ZNF462: variants seen among roughly 807,000 people sequenced by gnomAD.
The protein encoded by ZNF462 is zinc finger PBX1-interacting protein.
ZNF462 carries 10 observed loss-of-function variants against 201.9 expected under a neutral mutation model. That is an observed-to-expected ratio of 0.05 (90% CI 0.03 to 0.08). ZNF462 has a LOEUF of 0.08. ZNF462 is among the 10% of genes least tolerant of loss of function. ZNF462 has a pLI of 1.00. For synonymous variants in ZNF462, 1,227 were observed against 1,193.3 expected (o/e 1.03, Z -0.58); for missense variants, 2,523 against 3,168.3 (o/e 0.80, Z 4.89).
intron 1 of ZNF462, among the ~76,000 whole-genome samples, chr9:106,901,270 G>A (rs1018296436): frequency 3.3e-5 from 5 of 152,112 alleles, no homozygotes; most frequent in Non-Finnish European, 5.9e-5. Flanking sequence ...TCTTCCACTG[G>A]TATACGTGCC....
rs1263077272 is a variant in ZNF462, at chr9:106,926,994, G to A, written c.3082G>A (p.Val1028Ile). The A allele has an allele frequency of 2.5e-6, 4 of 1,614,054 alleles. No individual in the cohort carries two copies. The highest frequency in any genetic ancestry group is 1.3e-5 in the African/African-American group (1 of 74,908). ...NQKDPLVNTV[V>I]VYDCDVCSFA... ...GAAGGACCCTTTGGTCAACACTGTT[G>A]TTGTTTATGATTGTGATGTTTGTTC... Residue 1028 changes from valine to isoleucine, a missense_variant, in exon 3 of 13, where the codon GTT becomes ATT. By Grantham distance (29) the Val-to-Ile change is conservative. Coordinates refer to ENST00000277225, the MANE Select transcript of ZNF462 (RefSeq NM_021224.6). The surrounding 1 kb of genome is among the most constrained non-coding windows in gnomAD (Gnocchi z 7.9).
chr9:106,998,864 C>A (rs1207226080), intron 10 of ZNF462, among the ~76,000 whole-genome samples: 2 of 152,104 alleles, frequency 1.3e-5, no homozygotes, highest in African/African-American at 4.8e-5. Flanking sequence ...TCATCTCAGC[C>A]TCCCAAAGTG....
At chr9:106,874,522 A>C (rs555782839) in intron 1 of ZNF462, among the ~76,000 whole-genome samples, 51 of 152,346 alleles carry the variant, frequency 3.3e-4, no homozygotes, top group Middle Eastern at 3.4e-3. Flanking sequence ...TGTTCTAAGG[A>C]GGTAAACGTA....
At position 106,947,900 on chromosome 9, in the gene ZNF462, G is replaced by A. The variant is rs542386544; in HGVS notation, c.6427+8793G>A. On this transcript the variant is annotated intron_variant, in intron 7 of 12. Transcript: ENST00000277225. The stretch of plus-strand genomic sequence containing the variant: ...ATCTTCTACAGGAAATGAAAGACAA[G>A]TGTTTATTACTTATTGATATTTGGA... Among the ~76,000 whole-genome samples, 16 of 152,308 alleles carry A rather than the reference G, an allele frequency of 1.1e-4. No homozygotes were observed. In the South Asian group the frequency reaches 3.3e-3, roughly 32 times the overall value.
intron 1 of ZNF462, among the ~76,000 whole-genome samples, chr9:106,864,082 C>G (rs1037799676): frequency 1.0e-4 from 14 of 138,388 alleles, no homozygotes; most frequent in African/African-American, 1.9e-4. Context: ...CTCTCTCTCT[C>G]TCTCTCTCTC....
chr9:106,898,990 T>C (rs997208956), intron 1 of ZNF462, among the ~76,000 whole-genome samples: 5 of 152,194 alleles, frequency 3.3e-5, no homozygotes, highest in Non-Finnish European at 7.4e-5. Flanking sequence ...GCCAAATGCT[T>C]TATGTTCCTT....
intron 1 of ZNF462, among the ~76,000 whole-genome samples, chr9:106,877,332 A>C (rs1827878386): frequency 6.9e-6 from 1 of 144,516 alleles, no homozygotes; most frequent in Admixed American, 6.9e-5. Context: ...TACATTTGGG[A>C]AATTTCCAGA....
chr9:106,880,420 T>C lies in ZNF462; in HGVS notation c.-31+17065T>C, dbSNP rs1828039385. ...CATAGTTGAGAAAACTTTGAAGTGGTGTTGGCTAAATGTAGGTACGAGGGC... is the reference window on the plus strand; with the variant it reads ...CATAGTTGAGAAAACTTTGAAGTGGCGTTGGCTAAATGTAGGTACGAGGGC... On this transcript the variant is annotated intron_variant, in intron 1 of 12. Coordinates refer to ENST00000277225, the MANE Select transcript of ZNF462 (RefSeq NM_021224.6). The surrounding 1 kb of genome is among the most constrained non-coding windows in gnomAD (Gnocchi z 4.1). Among the ~76,000 whole-genome samples the C allele has an allele frequency of 6.6e-6, 1 of 152,226 alleles. No homozygotes were observed. The highest frequency in any genetic ancestry group is 2.1e-4 in the South Asian group (1 of 4,822).
intron 1 of ZNF462, among the ~76,000 whole-genome samples, chr9:106,921,748 G>A (rs1276091105): frequency 6.6e-6 from 1 of 152,174 alleles, no homozygotes; most frequent in African/African-American, 2.4e-5. Flanking sequence ...TGGACTGTGC[G>A]AAAGGAGAAG....
chr9:106,895,198 A>G lies in ZNF462; in HGVS notation c.-30-28156A>G, dbSNP rs1331184997. Among the ~76,000 whole-genome samples, 1 of 152,168 alleles carries G rather than the reference A, an allele frequency of 6.6e-6. No individual in the cohort carries two copies. ...CAGTTAAAAGTATCATTTTCCATTT[A>G]TTACCAAAGAGTAGACTGTTCTTGA... On this transcript the variant is annotated intron_variant, in intron 1 of 12. Coordinates refer to ENST00000277225, the MANE Select transcript of ZNF462 (RefSeq NM_021224.6). This position sits in a 1 kb window ranked among gnomAD's most constrained non-coding sequence, Gnocchi z 4.4.
Position 106,984,231 on chromosome 9 carries a change from A to T in ZNF462, c.6878A>T (p.Lys2293Ile). 6.2e-7 allele frequency: 1 copy of T among 1,614,052 alleles called. No homozygotes were observed. Among genetic ancestry groups the T allele is most frequent in the Non-Finnish European group, 8.5e-7 (1 of 1,179,952 alleles). The change falls in exon 10 of 13, where the codon AAA becomes ATA. Residue 2293 changes from lysine to isoleucine, a missense_variant. Around this residue, in one of 15 missense-constraint regions of ZNF462, gnomAD observed 228 missense variants for 361.2 expected, o/e 0.63. Transcript: ENST00000277225. This position sits in a 1 kb window ranked among gnomAD's most constrained non-coding sequence, Gnocchi z 6.4. ...PIEVCRSKLS[K>I]YLQGVVFRCD... The stretch of plus-strand genomic sequence containing the variant: ...GAAGTTTGCCGGTCCAAACTGTCCA[A>T]ATACTTGCAGGGAGTAGTTTTCCGC...
At chr9:106,944,995 AAAAC>A (rs1831042335) in intron 7 of ZNF462, among the ~76,000 whole-genome samples, 1 of 152,168 alleles carries the variant, frequency 6.6e-6, no homozygotes, top group South Asian at 2.1e-4. Flanking sequence ...TTTATGTACA[AAAAC>A]AAAGGAAAGG....
chr9:106,943,231 T>A (rs533595073), intron 7 of ZNF462, among the ~76,000 whole-genome samples: 14 of 152,274 alleles, frequency 9.2e-5, no homozygotes, highest in African/African-American at 3.4e-4. Context: ...AGAAAAATGT[T>A]GCAAGGAGCT....
chr9:106,901,275 C>T (rs755578582), intron 1 of ZNF462, among the ~76,000 whole-genome samples: 3 of 152,068 alleles, frequency 2.0e-5, no homozygotes. Context: ...CACTGGTATA[C>T]GTGCCTATTT....
intron 1 of ZNF462, among the ~76,000 whole-genome samples, chr9:106,877,885 G>T (rs951005880): frequency 3.3e-5 from 5 of 152,160 alleles, no homozygotes; most frequent in Non-Finnish European, 5.9e-5. Flanking sequence ...TGTGGCAGTG[G>T]TTATTAGTAC....
In ZNF462 at chr9:106,974,018, TAGCCCCA is replaced by T; in HGVS notation, c.6696-118_6696-112del. ...CAAACATGATGAACAGATTTTTTTT[TAGCCCCA>T]CAAGCAGGAGAGCCGCACTTGGACA... On this transcript the variant is annotated intron_variant, in intron 8 of 12. Transcript: ENST00000277225. The surrounding 1 kb of genome is among the most constrained non-coding windows in gnomAD (Gnocchi z 4.0). 8 of 1,331,418 alleles carry T rather than the reference TAGCCCCA, an allele frequency of 6.0e-6. No homozygotes were observed. The Admixed American group carries it at 6.1e-5, about 10-fold the overall frequency. The allele number at this position is 1,331,418 out of a possible 1,614,324, so 82.5% of individuals were successfully genotyped here. A position where few individuals can be genotyped will look rare whatever the true frequency, so the allele number is the denominator to read the frequency against.
intron 10 of ZNF462, among the ~76,000 whole-genome samples, chr9:106,994,069 A>G (rs899704451): frequency 1.3e-5 from 2 of 152,322 alleles, no homozygotes; most frequent in African/African-American, 2.4e-5. Flanking sequence ...TTTAAGGAAC[A>G]TAAAAATATA....
At position 106,924,074 on chromosome 9, in the gene ZNF462, CA is replaced by C; in HGVS notation, c.221-58del. Reference sequence around the variant, plus strand: ...GAATAATTGGAATGGTACTGATTTGCATGATTGGATATTTTAATTATCTTTT... The same window carrying C: ...GAATAATTGGAATGGTACTGATTTGCTGATTGGATATTTTAATTATCTTTT... On this transcript the variant is annotated intron_variant, in intron 2 of 12. Coordinates refer to ENST00000277225, the MANE Select transcript of ZNF462 (RefSeq NM_021224.6). This position sits in a 1 kb window ranked among gnomAD's most constrained non-coding sequence, Gnocchi z 6.2. 3 of 1,388,514 alleles carry C rather than the reference CA, an allele frequency of 2.2e-6. No homozygotes were observed. Among genetic ancestry groups the C allele is most frequent in the Non-Finnish European group, 3.0e-6 (3 of 1,015,954 alleles). 86.0% of individuals were successfully genotyped at this position (1,388,514 alleles called of 1,614,324 possible).
In ZNF462 at chr9:106,935,659, C is replaced by T. The variant is rs767584049; in HGVS notation, c.6235+38C>T. On this transcript the variant is annotated intron_variant, in intron 6 of 12. Transcript: ENST00000277225. The surrounding 1 kb of genome is among the most constrained non-coding windows in gnomAD (Gnocchi z 4.1). ...TTGATGATGCACAAGTTCTTTAGCA[C>T]TCTCTGAGTTTGAAACCTGATGATC... is the stretch of plus-strand genomic sequence containing the variant. 2.0e-6 allele frequency: 3 copies of T among 1,537,498 alleles called. No individual in the cohort carries two copies. Among genetic ancestry groups the T allele is most frequent in the Admixed American group, 3.3e-5 (2 of 59,894 alleles).
Sources: allele counts gnomAD v4.1 joint callset (sites outside exome capture counted in the v4.1 genomes callset), GRCh38; gene constraint gnomAD v4.1.1; regional missense constraint gnomAD v4.1.1; non-coding constraint Gnocchi (gnomAD v3.1); transcripts MANE v1.5; gene names NCBI Gene and HGNC (gene_info 2026-07-23, HGNC 2026-07-21).